ZNF385D: variants seen among roughly 807,000 people sequenced by gnomAD.
ZNF385D encodes zinc finger protein 385D.
ZNF385D carries 15 observed loss-of-function variants against 35.8 expected under a neutral mutation model. The ratio of observed to expected loss-of-function variants is 0.42; its 90% CI spans 0.28 to 0.64. ZNF385D has a LOEUF of 0.64. ZNF385D is among the 30% of genes least tolerant of loss of function. ZNF385D has a pLI of 0.23. For missense variants in ZNF385D, 474 were observed against 494.6 expected (o/e 0.96, Z 0.39); for synonymous variants, 212 against 186.8 (o/e 1.13, Z -1.10).
chr3:21,595,483 TTATGTAATATATATG>T (rs199902527), intron 2 of ZNF385D, among the ~76,000 whole-genome samples: 3,015 of 149,362 alleles, frequency 0.02, 118 homozygotes, highest in African/African-American at 0.07. Flanking sequence ...TTATATATGT[TTATGTAATATATATG>T]TATGTAATAT....
At chr3:22,196,122 T>C (rs1488719098) in intron 2 of ZNF385D, among the ~76,000 whole-genome samples, 2 of 152,014 alleles carry the variant, frequency 1.3e-5, no homozygotes, top group Admixed American at 6.6e-5. Context: ...TGAACCCCGA[T>C]GACACAAGTT....
intron 3 of ZNF385D, among the ~76,000 whole-genome samples, chr3:22,097,139 C>A (rs371800055): frequency 1.2e-4 from 18 of 152,242 alleles, no homozygotes; most frequent in African/African-American, 4.1e-4. Flanking sequence ...TCTGAATGAA[C>A]AGAGCCATTC....
intron 2 of ZNF385D, among the ~76,000 whole-genome samples, chr3:21,641,360 G>A (rs1055927668): frequency 6.6e-6 from 1 of 151,820 alleles, no homozygotes; most frequent in Non-Finnish European, 1.5e-5. Flanking sequence ...GAAAAGAGAG[G>A]GAGTGAGCAG....
chr3:22,201,942 C>A (rs1696825282), intron 2 of ZNF385D, among the ~76,000 whole-genome samples: 1 of 151,628 alleles, frequency 6.6e-6, no homozygotes, highest in Non-Finnish European at 1.5e-5. Context: ...AAATAAAGAT[C>A]AACAAGAAAA....
At chr3:21,864,799 A>G (rs1697246066) in intron 3 of ZNF385D, among the ~76,000 whole-genome samples, 1 of 152,008 alleles carries the variant, frequency 6.6e-6, no homozygotes, top group Admixed American at 6.6e-5. Context: ...GAGGTTTACT[A>G]TTCAAGCCTA....
chr3:22,056,304 A>T (rs1699396485), intron 3 of ZNF385D, among the ~76,000 whole-genome samples: 1 of 150,934 alleles, frequency 6.6e-6, no homozygotes, highest in Non-Finnish European at 1.5e-5. Context: ...AAAAAAAAAA[A>T]AAAATTCAAT....
intron 2 of ZNF385D, among the ~76,000 whole-genome samples, chr3:22,225,101 A>T (rs573678969): frequency 6.6e-6 from 1 of 152,316 alleles, no homozygotes. Context: ...TTTTTGTCAC[A>T]CTTTTACACA....
intron 3 of ZNF385D, among the ~76,000 whole-genome samples, chr3:22,082,636 C>G (rs575505607): frequency 1.3e-4 from 20 of 152,302 alleles, no homozygotes; most frequent in African/African-American, 4.8e-4. Context: ...CATAGCTGAA[C>G]AAAAGGCAGC....
At chr3:22,213,138 G>A (rs993350937) in intron 2 of ZNF385D, among the ~76,000 whole-genome samples, 1 of 151,948 alleles carries the variant, frequency 6.6e-6, no homozygotes, top group Non-Finnish European at 1.5e-5. Flanking sequence ...ATTATTAGAA[G>A]TTTGTCATGT....
intron 3 of ZNF385D, among the ~76,000 whole-genome samples, chr3:22,009,609 T>A (rs1696439346): frequency 7.4e-6 from 1 of 135,210 alleles, no homozygotes; most frequent in Non-Finnish European, 1.5e-5. Context: ...GGCAACAGAG[T>A]GAGACTCTGT....
At chr3:21,942,454 A>C (rs532057707) in intron 3 of ZNF385D, 1 of 152,342 alleles carries the variant, frequency 6.6e-6, no homozygotes, top group African/African-American at 2.4e-5. Flanking sequence ...TTAGAAACTT[A>C]GTAAGCGAAT....
intron 2 of ZNF385D, among the ~76,000 whole-genome samples, chr3:22,339,320 T>C (rs184573057): frequency 4.6e-5 from 7 of 152,320 alleles, no homozygotes; most frequent in Admixed American, 4.6e-4. Flanking sequence ...TATATTAACA[T>C]AGCTAATATC....
chr3:21,753,030 T>A (rs1483447788), upstream of ZNF385D, among the ~76,000 whole-genome samples: 1 of 152,176 alleles, frequency 6.6e-6, no homozygotes, highest in African/African-American at 2.4e-5. Context: ...GCATTGAGAG[T>A]TGAGTTTCAA....
At chr3:21,912,970 C>A (rs73129358) in intron 3 of ZNF385D, among the ~76,000 whole-genome samples, 2 of 151,978 alleles carry the variant, frequency 1.3e-5, no homozygotes, top group African/African-American at 4.8e-5. Context: ...AAACTGGAAA[C>A]AGAATTGTGA....
At chr3:21,664,346 T>G (rs1025021140) in intron 2 of ZNF385D, among the ~76,000 whole-genome samples, 1 of 152,078 alleles carries the variant, frequency 6.6e-6, no homozygotes, top group African/African-American at 2.4e-5. Flanking sequence ...GAGAGTTAAC[T>G]TGGGCAACAA....
chr3:21,943,491 A>G (rs1431907800), intron 3 of ZNF385D, among the ~76,000 whole-genome samples: 1 of 151,918 alleles, frequency 6.6e-6, no homozygotes, highest in African/African-American at 2.4e-5. Flanking sequence ...ACTAATTATA[A>G]TATATTCAGT....
chr3:22,264,131 T>G (rs1700774477), intron 2 of ZNF385D, among the ~76,000 whole-genome samples: 1 of 151,942 alleles, frequency 6.6e-6, no homozygotes, highest in East Asian at 1.9e-4. Context: ...TGGAAGAATT[T>G]AACCATTATC....
chr3:21,905,278 A>C (rs1412593618), intron 3 of ZNF385D, among the ~76,000 whole-genome samples: 2 of 151,790 alleles, frequency 1.3e-5, no homozygotes, highest in African/African-American at 4.8e-5. Context: ...AAATGCACAA[A>C]AACAACTTTT....
intron 3 of ZNF385D, among the ~76,000 whole-genome samples, chr3:21,973,217 C>G (rs1703376749): frequency 6.6e-6 from 1 of 151,966 alleles, no homozygotes; most frequent in Non-Finnish European, 1.5e-5. Context: ...AATCATTCAT[C>G]ATGACCAAGT....
Sources: allele counts gnomAD v4.1 joint callset (sites outside exome capture counted in the v4.1 genomes callset), GRCh38; gene constraint gnomAD v4.1.1; transcripts MANE v1.5; gene names NCBI Gene and HGNC (gene_info 2026-07-23, HGNC 2026-07-21).